The following PPP1R14C variants were observed in gnomAD, a reference collection of about 807,000 sequenced individuals.
The protein encoded by PPP1R14C is protein phosphatase 1 regulatory inhibitor subunit 14C, also known as protein phosphatase 1 regulatory subunit 14C.
In PPP1R14C, 16 loss-of-function variants were observed where a neutral mutation model predicts 20.4. The ratio of observed to expected loss-of-function variants is 0.78; its 90% CI spans 0.53 to 1.19. The LOEUF is 1.19. Ranked by LOEUF, PPP1R14C falls within the 50% of genes most tolerant of loss-of-function variation. The pLI is 0.00. For synonymous variants in PPP1R14C, 91 were observed against 91.0 expected (o/e 1.00, Z 0.00); for missense variants, 211 against 220.1 (o/e 0.96, Z 0.26).
chr6:150,195,823 G>A (rs1777797805), intron 1 of PPP1R14C: 1 of 985,184 alleles, frequency 1.0e-6, no homozygotes, highest in Non-Finnish European at 1.2e-6. Context: ...CATTCTTGAT[G>A]GGTTTTAATA....
Position 150,218,485 on chromosome 6 carries a change from C to CCAA in PPP1R14C, c.423+1629_423+1630insCAA, listed in dbSNP as rs1491450929. On this transcript the variant is annotated intron_variant, in intron 3 of 3. Transcript: ENST00000361131. ...ACTAATACATCTGAACCCCCCCCCCCAAAAAAAAATTCTGAGGCTTATTTT... is the reference window on the plus strand; with the variant it reads ...ACTAATACATCTGAACCCCCCCCCCCCAAAAAAAAAAATTCTGAGGCTTATTTT... Among the ~76,000 whole-genome samples the CCAA allele has an allele frequency of 4.2e-3, 524 of 125,714 alleles. 9 individuals are homozygous for CCAA. The highest frequency in any genetic ancestry group is 0.014 in the African/African-American group (498 of 34,646). The allele number at this position is 125,714 out of a possible 152,430, so 82.5% of individuals were successfully genotyped here. A position where few individuals can be genotyped will look rare whatever the true frequency, so the allele number is the denominator to read the frequency against.
intron 3 of PPP1R14C, among the ~76,000 whole-genome samples, chr6:150,240,261 T>A (rs9322254): frequency 6.6e-6 from 1 of 152,146 alleles, no homozygotes; most frequent in Admixed American, 6.5e-5. Flanking sequence ...TGCCAGTAAA[T>A]CCAACAACTT....
At chr6:150,199,739 C>T (rs1157938914) in intron 1 of PPP1R14C, among the ~76,000 whole-genome samples, 4 of 151,978 alleles carry the variant, frequency 2.6e-5, no homozygotes, top group African/African-American at 4.8e-5. Context: ...CTTAGTGGCA[C>T]GCATCTGCAG....
intron 1 of PPP1R14C, among the ~76,000 whole-genome samples, chr6:150,184,329 G>T (rs1262780083): frequency 2.0e-5 from 3 of 152,118 alleles, no homozygotes; most frequent in African/African-American, 7.2e-5. Context: ...CCTTTGGAAG[G>T]GGATATCCAG....
chr6:150,249,659 G>C lies in PPP1R14C; in HGVS notation c.*839G>C. 1 of 397,952 alleles carries C rather than the reference G, an allele frequency of 2.5e-6. No homozygotes were observed. Among genetic ancestry groups the C allele is most frequent in the Non-Finnish European group, 4.4e-6 (1 of 226,000 alleles). The allele number at this position is 397,952 out of a possible 1,614,324, so 24.7% of individuals were successfully genotyped here. A position where few individuals can be genotyped will look rare whatever the true frequency, so the allele number is the denominator to read the frequency against. The stretch of plus-strand genomic sequence containing the variant: ...TCAGTGGTATTTTGCATTGGAAAAA[G>C]GAAGCACTGTGTAGCAGTGAATTGT... On this transcript the variant is annotated 3_prime_UTR_variant, in exon 4 of 4. Coordinates refer to ENST00000361131, the MANE Select transcript of PPP1R14C (RefSeq NM_030949.3).
rs754696605 is a variant in PPP1R14C, at chr6:150,206,528, G to A, written c.307-8216G>A. On this transcript the variant is annotated intron_variant, in intron 1 of 3. Coordinates refer to ENST00000361131, the MANE Select transcript of PPP1R14C (RefSeq NM_030949.3). ...TGTGCATCTTCATGTGTGAGCACTG[G>A]TATTTGTTTTACAGTGTTGATTTGT... Among the ~76,000 whole-genome samples, 25 of 152,168 alleles carry A rather than the reference G, an allele frequency of 1.6e-4. 1 individual carries two copies. The highest frequency in any genetic ancestry group is 3.7e-4 in the Non-Finnish European group (25 of 68,022).
intron 1 of PPP1R14C, among the ~76,000 whole-genome samples, chr6:150,193,954 G>C (rs927628642): frequency 6.6e-6 from 1 of 152,036 alleles, no homozygotes; most frequent in Non-Finnish European, 1.5e-5. Flanking sequence ...GTTGTGGGAG[G>C]GACCCTGTGG....
intron 1 of PPP1R14C, among the ~76,000 whole-genome samples, chr6:150,188,449 T>G (rs1355509260): frequency 2.6e-5 from 4 of 151,688 alleles, no homozygotes; most frequent in Non-Finnish European, 5.9e-5. Flanking sequence ...TGCGGAAGAT[T>G]GATCGGTGTG....
intron 1 of PPP1R14C, among the ~76,000 whole-genome samples, chr6:150,178,775 T>C (rs1269565981): frequency 1.3e-5 from 2 of 152,218 alleles, no homozygotes; most frequent in African/African-American, 4.8e-5. Context: ...GGTGAAGAGA[T>C]GGACTTGGTT....
At chr6:150,171,883 G>T (rs907136561) in intron 1 of PPP1R14C, among the ~76,000 whole-genome samples, 1 of 151,938 alleles carries the variant, frequency 6.6e-6, no homozygotes, top group Non-Finnish European at 1.5e-5. Context: ...TTGGCTCACC[G>T]CAACCTCTGC....
rs146723728 is a variant in PPP1R14C, at chr6:150,198,599, A to G, written c.307-16145A>G. ...TTCTTGACGGTCTTGTTTGCAATGG[A>G]GGTGCCAGCAGGTGCTGAGAAACAC... On this transcript the variant is annotated intron_variant, in intron 1 of 3. Transcript: ENST00000361131. Among the ~76,000 whole-genome samples the G allele has an allele frequency of 6.7e-3, 1,017 of 152,328 alleles. 10 individuals carry two copies. The highest frequency in any genetic ancestry group is 0.023 in the African/African-American group (976 of 41,578).
intron 1 of PPP1R14C, among the ~76,000 whole-genome samples, chr6:150,146,966 G>A (rs1777186576): frequency 6.6e-6 from 1 of 152,052 alleles, no homozygotes. Context: ...GCTTTTATTG[G>A]ATTCCAAAAT....
intron 3 of PPP1R14C, among the ~76,000 whole-genome samples, chr6:150,235,346 T>C (rs1245791952): frequency 2.6e-5 from 4 of 152,174 alleles, no homozygotes; most frequent in Admixed American, 6.5e-5. Context: ...TGCCTCAGCC[T>C]CCCAAAATGC....
At position 150,234,390 on chromosome 6, in the gene PPP1R14C, T is replaced by A. The variant is rs116128651; in HGVS notation, c.424-14356T>A. ...AACTCAGCCATTGCATTACTGAATA[T>A]GGGCTCAAAAGAAACAAACAACAAA... On this transcript the variant is annotated intron_variant, in intron 3 of 3. Transcript: ENST00000361131. Among the ~76,000 whole-genome samples the A allele has an allele frequency of 4.8e-3, 724 of 151,968 alleles. 7 individuals are homozygous for A. Among genetic ancestry groups the A allele is most frequent in the African/African-American group, 0.015 (606 of 41,250 alleles).
intron 3 of PPP1R14C, among the ~76,000 whole-genome samples, chr6:150,229,508 C>A (rs1439169515): frequency 6.6e-6 from 1 of 152,060 alleles, no homozygotes; most frequent in Non-Finnish European, 1.5e-5. Context: ...AACTGTTCTG[C>A]TGCATACAAA....
intron 1 of PPP1R14C, among the ~76,000 whole-genome samples, chr6:150,176,062 A>G (rs150153779): frequency 3.9e-5 from 6 of 152,184 alleles, no homozygotes; most frequent in African/African-American, 1.2e-4. Context: ...ATCTTGTGTT[A>G]TTTTCCCTTT....
chr6:150,226,658 C>T (rs192290081), intron 3 of PPP1R14C, among the ~76,000 whole-genome samples: 177 of 152,196 alleles, frequency 1.2e-3, no homozygotes, highest in African/African-American at 4.1e-3. Flanking sequence ...CTGAAGATAC[C>T]TATGCCATTG....
intron 1 of PPP1R14C, among the ~76,000 whole-genome samples, chr6:150,174,022 C>CCT (rs3049228): frequency 1.3e-5 from 2 of 150,900 alleles, no homozygotes; most frequent in Admixed American, 6.6e-5. Context: ...CCCTCCCCCC[C>CCT]ACCCCCGAGA....
intron 1 of PPP1R14C, among the ~76,000 whole-genome samples, chr6:150,144,779 A>C (rs1326058586): frequency 6.6e-6 from 1 of 152,242 alleles, no homozygotes; most frequent in African/African-American, 2.4e-5. Flanking sequence ...TGGGGTTGTA[A>C]AAATGTGTTG....
Sources: gnomAD v4.1 joint callset for allele counts (sites outside exome capture counted in the v4.1 genomes callset) on GRCh38, gnomAD v4.1.1 for gene constraint, MANE v1.5 for transcripts, NCBI Gene and HGNC (gene_info 2026-07-23, HGNC 2026-07-21) for gene names.